POLR1C: variants seen among roughly 807,000 people sequenced by gnomAD.
POLR1C encodes the protein RNA polymerase I and III subunit C, also known as DNA-directed RNA polymerases I and III subunit RPAC1.
A neutral mutation model predicts 38.3 loss-of-function variants in POLR1C; 42 were observed. That is an observed-to-expected ratio of 1.10 (90% CI 0.86 to 1.42). The LOEUF (loss-of-function observed/expected upper bound fraction) is 1.42. Ranked by LOEUF, POLR1C falls within the 40% of genes most tolerant of loss-of-function variation. The pLI, the probability that POLR1C is intolerant of heterozygous loss-of-function variation, is 0.00. For synonymous variants in POLR1C, 163 were observed against 163.9 expected, an observed-to-expected ratio of 0.99 and a Z score of 0.04; for missense variants, 507 against 450.5, an observed-to-expected ratio of 1.13 and a Z score of -1.14.
chr6:43,559,518 C>T (rs572405820), intron 10 of POLR1C, among the ~76,000 whole-genome samples: 35 of 152,328 alleles, frequency 2.3e-4, no homozygotes, highest in African/African-American at 8.2e-4. Context: ...TTGTAACTCT[C>T]ACTTGGCCTC....
intron 10 of POLR1C, among the ~76,000 whole-genome samples, chr6:43,561,196 T>G (rs1373220793): frequency 6.6e-6 from 1 of 152,070 alleles, no homozygotes; most frequent in African/African-American, 2.4e-5. Context: ...GCCTACTCAA[T>G]CATCATCATT....
At position 43,517,118 on chromosome 6, in the gene POLR1C, T is replaced by G. The variant is rs752713208; in HGVS notation, c.9T>G (p.Ala3=). ...TCGTGGAGAGATTGAAGATGGCGGC[T>G]TCTCAGGCGGTGGAGGAAATGCGGA... MA[A]SQAVEEMRSR... is the part of the protein sequence containing the mutation. The change falls in exon 1 of 9, where the codon GCT becomes GCG. Residue 3 remains alanine (A), a synonymous_variant. Transcript: ENST00000642195. The G allele has an allele frequency of 6.2e-7, 1 of 1,613,986 alleles. No homozygotes were observed. The highest frequency in any genetic ancestry group is 1.3e-5 in the African/African-American group (1 of 74,902).
At chr6:43,545,638 C>T (rs368852012) in intron 9 of POLR1C, among the ~76,000 whole-genome samples, 10 of 151,960 alleles carry the variant, frequency 6.6e-5, no homozygotes, top group Admixed American at 2.6e-4. Context: ...GCCTGGGAGG[C>T]GGAGGTTGCA....
chr6:43,562,402 A>G, exon 11 of POLR1C: 1 of 1,280,084 alleles, frequency 7.8e-7, no homozygotes, highest in South Asian at 1.3e-5. Flanking sequence ...TGTAATAAAA[A>G]CATCACTTTG....
At chr6:43,549,638 T>C in intron 9 of POLR1C, 2 of 1,557,480 alleles carry the variant, frequency 1.3e-6, no homozygotes, top group Middle Eastern at 1.9e-4. Context: ...AGGTGCTGCA[T>C]AGACTCATGT....
downstream of POLR1C, chr6:43,531,559 G>C (rs1438117355): frequency 6.2e-7 from 1 of 1,613,802 alleles, no homozygotes; most frequent in Non-Finnish European, 8.5e-7. Context: ...TGAGTTCCAA[G>C]AGAGGTTGAG....
downstream of POLR1C, chr6:43,524,710 T>A (rs1793441600): frequency 6.3e-7 from 1 of 1,589,186 alleles, no homozygotes; most frequent in African/African-American, 1.3e-5. Context: ...GCCACACCCA[T>A]TTCTCAGAGA....
chr6:43,531,440 C>G (rs1276470702), downstream of POLR1C: 4 of 1,569,922 alleles, frequency 2.5e-6, no homozygotes, highest in Non-Finnish European at 3.5e-6. Context: ...CAATACATAT[C>G]GAGGAAGAAA....
At chr6:43,525,170 G>C, downstream of POLR1C, 1 of 1,585,412 alleles carries the variant, frequency 6.3e-7, no homozygotes. Flanking sequence ...TATCTTTCCA[G>C]GCCAGGGAAT....
chr6:43,546,878 T>C, intron 9 of POLR1C: 1 of 960,562 alleles, frequency 1.0e-6, no homozygotes, highest in African/African-American at 1.7e-5. Flanking sequence ...AATAATCCTC[T>C]GCTCCCCGGC....
At chr6:43,518,005 A>ATG (rs914184054) in intron 2 of POLR1C, among the ~76,000 whole-genome samples, 1 of 151,982 alleles carries the variant, frequency 6.6e-6, no homozygotes, top group Non-Finnish European at 1.5e-5. Context: ...TAAAGTATGA[A>ATG]CAATGAAAAA....
chr6:43,551,423 A>G (rs767823878), intron 10 of POLR1C: 1 of 1,613,854 alleles, frequency 6.2e-7, no homozygotes, highest in Non-Finnish European at 8.5e-7. Context: ...ACCATCTGCA[A>G]TAGCTCTATT....
At chr6:43,524,020 TGAG>T, downstream of POLR1C, 1 of 1,609,566 alleles carries the variant, frequency 6.2e-7, no homozygotes, top group East Asian at 2.2e-5. Flanking sequence ...GGAAAACAAA[TGAG>T]AAAGAATTAA....
chr6:43,527,889 CATT>C (rs1311599469), intron 8 of POLR1C, among the ~76,000 whole-genome samples: 32 of 152,296 alleles, frequency 2.1e-4, no homozygotes, highest in Middle Eastern at 3.4e-3. Flanking sequence ...CACTGAAGGA[CATT>C]ATTACTAGTG....
downstream of POLR1C, chr6:43,531,565 T>C (rs892603665): frequency 9.3e-6 from 15 of 1,613,512 alleles, no homozygotes; most frequent in African/African-American, 1.3e-5. Flanking sequence ...CCAAGAGAGG[T>C]TGAGGTAATC....
intron 9 of POLR1C, chr6:43,539,782 TGA>T: frequency 1.7e-6 from 1 of 580,744 alleles, no homozygotes; most frequent in Non-Finnish European, 3.0e-6. Flanking sequence ...ATCTGTTCCT[TGA>T]AGGTCTGGGA....
intron 8 of POLR1C, chr6:43,526,549 G>T: frequency 1.0e-6 from 1 of 957,556 alleles, no homozygotes; most frequent in South Asian, 1.5e-5. Flanking sequence ...CACACAGCAA[G>T]AGGGCTGGTC....
chr6:43,553,232 T>C (rs952250249), intron 10 of POLR1C: 29 of 1,067,354 alleles, frequency 2.7e-5, no homozygotes, highest in South Asian at 1.2e-4. Context: ...AGCCCAGGAG[T>C]TGGAGGTTAC....
At chr6:43,560,311 GAAA>G (rs771450577) in intron 10 of POLR1C, 2 of 1,418,164 alleles carry the variant, frequency 1.4e-6, no homozygotes, top group African/African-American at 1.5e-5. Flanking sequence ...AAACTAAAGA[GAAA>G]AAAAAAAGAA....
Sources: gnomAD v4.1 joint callset for allele counts (sites outside exome capture counted in the v4.1 genomes callset) on GRCh38, gnomAD v4.1.1 for gene constraint, MANE v1.5 for transcripts, NCBI Gene and HGNC (gene_info 2026-07-23, HGNC 2026-07-21) for gene names.